HPCAL1: variants seen among roughly 807,000 people sequenced by gnomAD.
HPCAL1 encodes hippocalcin like 1, also known as hippocalcin-like protein 1.
A neutral mutation model predicts 17.1 loss-of-function variants in HPCAL1; 8 were observed. The ratio of observed to expected loss-of-function variants is 0.47; its 90% CI spans 0.27 to 0.84. The LOEUF (loss-of-function observed/expected upper bound fraction) is 0.84, where lower values mean the gene tolerates loss of function less well. HPCAL1 is among the 40% of genes least tolerant of loss of function. The pLI, the probability that HPCAL1 is intolerant of heterozygous loss-of-function variation, is 0.13. For synonymous variants in HPCAL1, 112 were observed against 111.4 expected (o/e 1.01, Z -0.03); for missense variants, 165 against 271.1 (o/e 0.61, Z 2.75).
intron 2 of HPCAL1, among the ~76,000 whole-genome samples, chr2:10,410,857 C>G (rs1670310462): frequency 6.6e-6 from 1 of 152,180 alleles, no homozygotes; most frequent in Non-Finnish European, 1.5e-5. Context: ...TCTTACTAGA[C>G]AGCCAAGCAC....
At chr2:10,422,522 G>A (rs1035317459) in intron 3 of HPCAL1, among the ~76,000 whole-genome samples, 1 of 152,232 alleles carries the variant, frequency 6.6e-6, no homozygotes, top group Non-Finnish European at 1.5e-5. Flanking sequence ...CAGTGCTGCT[G>A]CTTCCTGTCC....
At chr2:10,324,829 T>G (rs1213214287) in intron 1 of HPCAL1, among the ~76,000 whole-genome samples, 3 of 116,842 alleles carry the variant, frequency 2.6e-5, no homozygotes, top group African/African-American at 6.0e-5. Flanking sequence ...TTTTTTTTTT[T>G]TTTTTTTTTT....
At chr2:10,401,919 T>C (rs923579924) in intron 2 of HPCAL1, among the ~76,000 whole-genome samples, 25 of 152,180 alleles carry the variant, frequency 1.6e-4, no homozygotes, top group Non-Finnish European at 3.1e-4. Flanking sequence ...TTTTTGTTTT[T>C]TGAGACAGTC....
At chr2:10,376,042 T>A (rs1667535030) in intron 1 of HPCAL1, among the ~76,000 whole-genome samples, 1 of 152,128 alleles carries the variant, frequency 6.6e-6, no homozygotes, top group South Asian at 2.1e-4. Context: ...GAGTGAGCAA[T>A]TTGGTCGATT....
intron 1 of HPCAL1, among the ~76,000 whole-genome samples, chr2:10,372,120 A>G (rs1667249550): frequency 6.6e-6 from 1 of 152,282 alleles, no homozygotes; most frequent in Non-Finnish European, 1.5e-5. Context: ...GTATCAGTCC[A>G]GCGCTTTTCA....
intron 1 of HPCAL1, among the ~76,000 whole-genome samples, chr2:10,352,546 G>C (rs1665902045): frequency 6.6e-6 from 1 of 152,234 alleles, no homozygotes; most frequent in Non-Finnish European, 1.5e-5. Context: ...ATCAGCAGAG[G>C]CCATGCATGC....
At chr2:10,348,902 C>T (rs915186656) in intron 1 of HPCAL1, among the ~76,000 whole-genome samples, 4 of 152,188 alleles carry the variant, frequency 2.6e-5, no homozygotes, top group Non-Finnish European at 5.9e-5. Context: ...CTGCCTCTCA[C>T]GGTGCCCAGT....
At chr2:10,318,444 A>C (rs769293595) in intron 1 of HPCAL1, among the ~76,000 whole-genome samples, 1 of 152,194 alleles carries the variant, frequency 6.6e-6, no homozygotes, top group African/African-American at 2.4e-5. Flanking sequence ...CCGGTGCCGG[A>C]CAGCCTGTTT....
chr2:10,360,805 G>A (rs1057384094), intron 1 of HPCAL1, among the ~76,000 whole-genome samples: 1 of 151,914 alleles, frequency 6.6e-6, no homozygotes, highest in Admixed American at 6.6e-5. Context: ...AGCCATTCCA[G>A]CATAGTTAAC....
In HPCAL1 at chr2:10,426,725, C is replaced by A. The variant is rs748369783; in HGVS notation, c.486C>A (p.Gly162=). Residue 162 remains glycine (G), a splice_region_variant and synonymous_variant, in exon 5 of 5, where the codon GGC becomes GGA. Transcript: ENST00000307845. Reference sequence around the variant, plus strand: ...CCCATTGTCTCTGGTCCCCTGCAGGCAAACTGTCCTTGGAAGAATTCATCA... The same window carrying A: ...CCCATTGTCTCTGGTCCCCTGCAGGAAAACTGTCCTTGGAAGAATTCATCA... ...IFRQMDTNND[G]KLSLEEFIRG... 18 of 1,612,708 alleles carry A rather than the reference C, an allele frequency of 1.1e-5. 1 individual carries two copies. In the African/African-American group the frequency reaches 1.7e-4, roughly 16 times the overall value.
Position 10,362,470 on chromosome 2 carries a change from C to T in HPCAL1, c.-110-34365C>T, listed in dbSNP as rs934767814. On this transcript the variant is annotated intron_variant, in intron 1 of 4. Transcript: ENST00000307845. This position sits in a 1 kb window ranked among gnomAD's most constrained non-coding sequence, Gnocchi z 5.0. ...ATAGACCCCCCGGAATGCAGGGGGC[C>T]GGGCTGAGCAAGAGGAGGAGAGGAC... Among the ~76,000 whole-genome samples, 3 of 152,116 alleles carry T rather than the reference C, an allele frequency of 2.0e-5. No homozygotes were observed. Among genetic ancestry groups the T allele is most frequent in the Non-Finnish European group, 4.4e-5 (3 of 68,012 alleles).
chr2:10,403,232 G>T (rs1200200836), intron 2 of HPCAL1, among the ~76,000 whole-genome samples: 3 of 152,168 alleles, frequency 2.0e-5, no homozygotes, highest in Non-Finnish European at 4.4e-5. Flanking sequence ...TAGACTCAAA[G>T]AAGTTTTCTA....
intron 1 of HPCAL1, among the ~76,000 whole-genome samples, chr2:10,326,877 C>T (rs1558459605): frequency 6.6e-6 from 1 of 152,248 alleles, no homozygotes; most frequent in South Asian, 2.1e-4. Context: ...AGCCGCTTGT[C>T]CTCCACTCTC....
rs147545122 is a variant in HPCAL1, at chr2:10,314,251, A to G, written c.-111+11074A>G. On this transcript the variant is annotated intron_variant, in intron 1 of 4. Coordinates refer to ENST00000307845, the MANE Select transcript of HPCAL1 (RefSeq NM_002149.4). ...GATTCAGAAGAAACTGATAACATTG[A>G]GGAATACATTTGTGGAGCACAGATT... Among the ~76,000 whole-genome samples the G allele has an allele frequency of 5.3e-5, 8 of 151,576 alleles. No homozygotes were observed. In the East Asian group the frequency reaches 1.4e-3, roughly 26 times the overall value.
At chr2:10,322,539 C>T (rs573078642) in intron 1 of HPCAL1, among the ~76,000 whole-genome samples, 1 of 152,358 alleles carries the variant, frequency 6.6e-6, no homozygotes, top group South Asian at 2.1e-4. Context: ...GAGTTTAGGC[C>T]TCACTGGCCC....
At chr2:10,385,103 A>C (rs1271165221) in intron 1 of HPCAL1, among the ~76,000 whole-genome samples, 3 of 152,026 alleles carry the variant, frequency 2.0e-5, no homozygotes, top group Admixed American at 6.5e-5. Context: ...GTCTCAAAAA[A>C]AAAAAAAAAG....
chr2:10,303,421 T>G (rs1461312113), intron 1 of HPCAL1, among the ~76,000 whole-genome samples: 1 of 152,138 alleles, frequency 6.6e-6, no homozygotes, highest in Non-Finnish European at 1.5e-5. Context: ...GTGCACATTT[T>G]GGACTGCGTT....
intron 1 of HPCAL1, among the ~76,000 whole-genome samples, chr2:10,355,450 C>CAAAAAAAAA (rs34600690): frequency 3.1e-5 from 1 of 32,206 alleles, no homozygotes; most frequent in East Asian, 1.8e-3. Flanking sequence ...GACTCCGTCT[C>CAAAAAAAAA]AAAAAAAAAA....
At chr2:10,420,388 G>T (rs907415205) in intron 3 of HPCAL1, among the ~76,000 whole-genome samples, 34 of 152,050 alleles carry the variant, frequency 2.2e-4, no homozygotes, top group African/African-American at 7.2e-4. Flanking sequence ...TAGAGAGAGG[G>T]TTTTGCCACA....
Sources: gnomAD v4.1 joint callset for allele counts (sites outside exome capture counted in the v4.1 genomes callset) on GRCh38, gnomAD v4.1.1 for gene constraint, Gnocchi (gnomAD v3.1) non-coding constraint, MANE v1.5 for transcripts, NCBI Gene and HGNC (gene_info 2026-07-23, HGNC 2026-07-21) for gene names.